KIF27: variants seen among roughly 807,000 people sequenced by gnomAD.
KIF27 encodes kinesin family member 27.
KIF27 carries 84 observed loss-of-function variants against 141.8 expected under a neutral mutation model. The ratio of observed to expected loss-of-function variants is 0.59; its 90% CI spans 0.50 to 0.71. The LOEUF is 0.71. Among genes scored for constraint, KIF27 ranks in the 30% least tolerant of loss-of-function variants. The pLI is 0.00. For missense variants in KIF27, 1,306 were observed against 1,628.4 expected (o/e 0.80, Z 3.41); for synonymous variants, 471 against 569.5 (o/e 0.83, Z 2.46).
In KIF27 at chr9:83,866,782, A is replaced by G. The variant is rs1472755640; in HGVS notation, c.2934+902T>C. Among the ~76,000 whole-genome samples, 9 of 152,214 alleles carry G rather than the reference A, an allele frequency of 5.9e-5. No homozygotes were observed. The South Asian group carries it at 6.2e-4, about 11-fold the overall frequency. On this transcript the variant is annotated intron_variant, in intron 13 of 17. Coordinates refer to ENST00000297814, the MANE Select transcript of KIF27 (RefSeq NM_017576.4). ...TCCGAGCTACTCGGGAGACTGATAC[A>G]GGAGAATCGCTTGAACCCAGGAGGC...
chr9:83,903,281 A>G lies in KIF27; in HGVS notation c.1237T>C (p.Cys413Arg). 1 of 1,614,142 alleles carries G rather than the reference A, an allele frequency of 6.2e-7. No homozygotes were observed. The highest frequency in any genetic ancestry group is 1.1e-5 in the South Asian group (1 of 91,084). The change falls in exon 4 of 18, where the codon TGT (cysteine) becomes CGT (arginine). Residue 413 changes from cysteine (C) to arginine (R), a missense_variant. Transcript: ENST00000297814. ...QLQGECLGYQ[C>R]CVEEAFTFLV... ...AAGGTAAAGGCTTCTTCTACACAAC[A>G]CTGGTAACCCAGACATTCTCCTTGA...
Position 83,881,792 on chromosome 9 carries a change from G to C in KIF27, c.2446-1298C>G, listed in dbSNP as rs141146525. 1.7e-3 allele frequency among the ~76,000 whole-genome samples: 260 copies of C among 152,246 alleles called. 1 individual carries two copies. Among genetic ancestry groups the C allele is most frequent in the African/African-American group, 5.8e-3 (242 of 41,552 alleles). On this transcript the variant is annotated intron_variant, in intron 10 of 17. Coordinates refer to ENST00000297814, the MANE Select transcript of KIF27 (RefSeq NM_017576.4). ...CAAAAATTATAATACCAGCATTTTA[G>C]TGTCTTTTTCACATAATATTAAAAA...
intron 9 of KIF27, among the ~76,000 whole-genome samples, chr9:83,885,561 G>A (rs901124193): frequency 4.1e-4 from 62 of 151,956 alleles, no homozygotes; most frequent in African/African-American, 1.4e-3. Flanking sequence ...AATCATTTTG[G>A]ACTATTCATT....
At chr9:83,886,077 A>G (rs1206177612) in intron 9 of KIF27, among the ~76,000 whole-genome samples, 1 of 151,920 alleles carries the variant, frequency 6.6e-6, no homozygotes, top group African/African-American at 2.4e-5. Context: ...AGATGTTTAA[A>G]TGAGTTTGGC....
chr9:83,846,430 A>G (rs1328883413), intron 16 of KIF27, among the ~76,000 whole-genome samples: 1 of 152,204 alleles, frequency 6.6e-6, no homozygotes, highest in Non-Finnish European at 1.5e-5. Flanking sequence ...CAGTGGGCTC[A>G]TGCTCATGGG....
intron 13 of KIF27, chr9:83,859,989 C>A (rs1451837793): frequency 6.6e-6 from 1 of 152,034 alleles, no homozygotes; most frequent in Non-Finnish European, 1.5e-5. Flanking sequence ...TCTTTCTTGG[C>A]TTACATTCTA....
intron 2 of KIF27, among the ~76,000 whole-genome samples, chr9:83,909,068 C>A (rs919773769): frequency 6.6e-6 from 1 of 152,112 alleles, no homozygotes; most frequent in Non-Finnish European, 1.5e-5. Context: ...ACTCTGCAAT[C>A]CACCAATAAA....
rs141314559 is a variant in KIF27, at chr9:83,850,788, A to G, written c.3358-491T>C. Among the ~76,000 whole-genome samples the G allele has an allele frequency of 9.2e-5, 14 of 151,772 alleles. No homozygotes were observed. In the East Asian group the frequency reaches 2.7e-3, roughly 29 times the overall value. ...GCAAGAGCAAAACTCTGTCTCAAAA[A>G]AAAAGAATTAATTTGTTGGAATTCT... On this transcript the variant is annotated intron_variant, in intron 15 of 17. Coordinates refer to ENST00000297814, the MANE Select transcript of KIF27 (RefSeq NM_017576.4).
intron 2 of KIF27, among the ~76,000 whole-genome samples, chr9:83,913,848 T>C (rs745813997): frequency 6.6e-6 from 1 of 152,208 alleles, no homozygotes; most frequent in Non-Finnish European, 1.5e-5. Context: ...GTAATATGCA[T>C]CAAACTTATT....
Position 83,837,129 on chromosome 9 carries a change from G to A in KIF27, c.4078C>T (p.Arg1360Ter), listed in dbSNP as rs375822223. Reference sequence around the variant, plus strand: ...GCGGAAATTTGACGTAATTCTTTTCGACACAGTTTTACAGGTGTGACACCA... The same window carrying A: ...GCGGAAATTTGACGTAATTCTTTTCAACACAGTTTTACAGGTGTGACACCA... ...LHGVTPVKLCRKELRQISALE... is the reference protein window; with the variant it reads ...LHGVTPVKLC Residue 1360 changes from arginine (R) to a stop codon, truncating the protein, a stop_gained, in exon 18 of 18, where the codon CGA (arginine) becomes TGA (stop). Transcript: ENST00000297814. LOFTEE classifies it high-confidence loss of function. 5.6e-5 allele frequency: 90 copies of A among 1,613,974 alleles called. No homozygotes were observed. The East Asian group carries it at 9.1e-4, about 16-fold the overall frequency.
chr9:83,893,674 A>T (rs1010544235), intron 5 of KIF27, among the ~76,000 whole-genome samples: 6 of 151,852 alleles, frequency 4.0e-5, no homozygotes, highest in African/African-American at 1.5e-4. Context: ...AAAAATCAAT[A>T]TACTAAATAT....
At chr9:83,851,120 G>T (rs1948536896) in intron 15 of KIF27, among the ~76,000 whole-genome samples, 1 of 152,058 alleles carries the variant, frequency 6.6e-6, no homozygotes, top group African/African-American at 2.4e-5. Flanking sequence ...ACAGGCGTGA[G>T]CCACCACGCC....
intron 13 of KIF27, among the ~76,000 whole-genome samples, chr9:83,861,719 G>GT (rs1212324127): frequency 3.3e-5 from 5 of 151,314 alleles, no homozygotes; most frequent in Admixed American, 3.3e-4. Context: ...GGGTCAAATG[G>GT]TATTTCTAGT....
chr9:83,918,810 TCAAACC>T (rs1955961846), intron 1 of KIF27, among the ~76,000 whole-genome samples: 4 of 152,134 alleles, frequency 2.6e-5, no homozygotes, highest in Admixed American at 2.6e-4. Flanking sequence ...GCGCAGTGGC[TCAAACC>T]TGTAATCCCA....
intron 2 of KIF27, 148 bp from the exon 3 acceptor site, chr9:83,908,800 C>A: frequency 2.3e-6 from 1 of 428,064 alleles, no homozygotes; most frequent in Non-Finnish European, 4.0e-6. Context: ...TGCTCTGTTG[C>A]CCAGGCTGGA....
In KIF27 at chr9:83,903,614, G is replaced by C. The variant is rs1194365160; in HGVS notation, c.904C>G (p.Leu302Val). ...PYRDAKITRL[L>V]KDSLGGSAKT... ...GCACTGCCTCCCAGAGAATCTTTCAGAAGCCGGGTAATTTTAGCATCCCTA... is the reference window on the plus strand; with the variant it reads ...GCACTGCCTCCCAGAGAATCTTTCACAAGCCGGGTAATTTTAGCATCCCTA... The change falls in exon 4 of 18, where the codon CTG (leucine) becomes GTG (valine). Residue 302 changes from leucine (L) to valine (V), a missense_variant. By Grantham distance (32) the Leu-to-Val change is conservative. Coordinates refer to ENST00000297814, the MANE Select transcript of KIF27 (RefSeq NM_017576.4). The C allele has an allele frequency of 6.2e-7, 1 of 1,614,122 alleles. No homozygotes were observed. The highest frequency in any genetic ancestry group is 8.5e-7 in the Non-Finnish European group (1 of 1,180,030).
chr9:83,883,805 T>A lies in KIF27; in HGVS notation c.2445+8A>T. On this transcript the variant is annotated splice_region_variant and intron_variant, in intron 10 of 17. Transcript: ENST00000297814. ...AATAAGTTTTCTCAATTACATTTTTTAAATTACCTGAACTCTCAGCTTTGC... is the reference window on the plus strand; with the variant it reads ...AATAAGTTTTCTCAATTACATTTTTAAAATTACCTGAACTCTCAGCTTTGC... 7 of 1,593,786 alleles carry A rather than the reference T, an allele frequency of 4.4e-6. No homozygotes were observed. Among genetic ancestry groups the A allele is most frequent in the Non-Finnish European group, 6.0e-6 (7 of 1,165,088 alleles).
At chr9:83,913,524 G>A (rs1458363878) in intron 2 of KIF27, among the ~76,000 whole-genome samples, 10 of 151,992 alleles carry the variant, frequency 6.6e-5, no homozygotes, top group Admixed American at 2.6e-4. Flanking sequence ...TGTAGCCTCC[G>A]CCTCCCAGGT....
At chr9:83,859,396 C>A (rs761174140) in intron 13 of KIF27, 25 bp from the exon 14 acceptor site, 2 of 1,539,086 alleles carry the variant, frequency 1.3e-6, no homozygotes, top group Admixed American at 3.3e-5. Flanking sequence ...CCACCAGCCA[C>A]CTCAAAAACA....
Sources: allele counts gnomAD v4.1 joint callset (sites outside exome capture counted in the v4.1 genomes callset), GRCh38; gene constraint gnomAD v4.1.1; transcripts MANE v1.5; gene names NCBI Gene and HGNC (gene_info 2026-07-23, HGNC 2026-07-21).